The following CD8B2 variants were observed in gnomAD, a reference collection of about 807,000 sequenced individuals.
CD8B2 encodes the protein CD8B family member 2, also known as T-cell surface glycoprotein CD8 beta-2 chain.
Under a neutral mutation model 23.7 loss-of-function variants are expected in CD8B2, and 11 were observed. That is an observed-to-expected ratio of 0.46 (90% confidence interval 0.29 to 0.77). The LOEUF is 0.77. Ranked by LOEUF, CD8B2 falls within the 30% of genes least tolerant of loss-of-function variation. The probability of loss-of-function intolerance (pLI) is 0.09; values close to 1 mark genes in which losing one functional copy is unlikely to be tolerated. For missense variants in CD8B2, 197 were observed against 270.5 expected (o/e 0.73, Z 1.91); for synonymous variants, 90 against 109.3 (o/e 0.82, Z 1.10).
intron 3 of CD8B2, among the ~76,000 whole-genome samples, chr2:106,496,780 G>GA (rs2104553571): frequency 6.6e-6 from 1 of 151,826 alleles, no homozygotes; most frequent in Non-Finnish European, 1.5e-5. Context: ...AATGGGGAGT[G>GA]ATTCCTAATG....
At chr2:106,513,500 C>A (rs1679676517), downstream of CD8B2, among the ~76,000 whole-genome samples, 1 of 150,640 alleles carries the variant, frequency 6.6e-6, no homozygotes, top group Admixed American at 6.6e-5. Context: ...TTGTTCACAG[C>A]CTCTTACAGA....
chr2:106,494,781 G>A (rs1679267120), intron 2 of CD8B2, among the ~76,000 whole-genome samples: 1 of 152,186 alleles, frequency 6.6e-6, no homozygotes, highest in Admixed American at 6.5e-5. Context: ...TCCCAACACA[G>A]CACTCACCAC....
Position 106,504,293 on chromosome 2 carries a change from G to A in CD8B2, c.588G>A (p.Arg196=), listed in dbSNP as rs971751971. 3.2e-6 allele frequency: 5 copies of A among 1,555,634 alleles called. No homozygotes were observed. The African/African-American group carries it at 5.5e-5, about 17-fold the overall frequency. Residue 196 remains arginine (R), a synonymous_variant, in exon 5 of 6, where the codon CGG becomes CGA. Coordinates refer to ENST00000643224, the MANE Select transcript of CD8B2 (RefSeq NM_001349727.2). The part of the protein sequence containing the change: ...SLGVAMHLCC[R]RRRARLRFMK... ...GCCCTTGCTTTCCTCTTCCAGGCCG[G>A]CGGAGGAGAGCCCGGCTTCGTTTCA... is the stretch of plus-strand genomic sequence containing the variant.
At chr2:106,501,007 C>T (rs1679394594) in intron 3 of CD8B2, among the ~76,000 whole-genome samples, 1 of 152,226 alleles carries the variant, frequency 6.6e-6, no homozygotes, top group Non-Finnish European at 1.5e-5. Context: ...TATCAAGGGT[C>T]AGCAAGGTGC....
chr2:106,518,438 A>G (rs1408575051), intron 5 of CD8B2, among the ~76,000 whole-genome samples: 1 of 152,172 alleles, frequency 6.6e-6, no homozygotes, highest in Non-Finnish European at 1.5e-5. Flanking sequence ...TTTTCATTAG[A>G]TGAAAAAGTG....
At chr2:106,539,108 C>T (rs1680134637) in intron 5 of CD8B2, among the ~76,000 whole-genome samples, 1 of 152,190 alleles carries the variant, frequency 6.6e-6, no homozygotes, top group Non-Finnish European at 1.5e-5. Context: ...CATTTCAGGG[C>T]CAGGGCAGTG....
intron 4 of CD8B2, among the ~76,000 whole-genome samples, chr2:106,503,169 G>A (rs2104557810): frequency 6.6e-6 from 1 of 151,712 alleles, no homozygotes; most frequent in East Asian, 1.9e-4. Context: ...CGGAGGGGAG[G>A]CCTGCATGGC....
downstream of CD8B2, among the ~76,000 whole-genome samples, chr2:106,514,394 T>TCC (rs1679693198): frequency 1.3e-5 from 2 of 151,482 alleles, no homozygotes. Context: ...TTCAAGCGAT[T>TCC]CTCCTGCCTC....
intron 4 of CD8B2, among the ~76,000 whole-genome samples, chr2:106,502,786 G>A (rs1378914422): frequency 6.6e-6 from 1 of 151,998 alleles, no homozygotes; most frequent in African/African-American, 2.4e-5. Flanking sequence ...TGAGTGCAAC[G>A]TGGCTGTTTC....
chr2:106,543,610 T>G (rs954435429), intron 5 of CD8B2, among the ~76,000 whole-genome samples: 2 of 152,120 alleles, frequency 1.3e-5, no homozygotes, highest in African/African-American at 4.8e-5. Flanking sequence ...ACTGCACCAC[T>G]GCACTCCAGC....
At chr2:106,532,844 G>A (rs369502477) in intron 5 of CD8B2, among the ~76,000 whole-genome samples, 3 of 152,280 alleles carry the variant, frequency 2.0e-5, no homozygotes, top group East Asian at 3.9e-4. Flanking sequence ...TTTATGACCT[G>A]TGTCTTGTGC....
chr2:106,533,451 G>A (rs1356345508), intron 5 of CD8B2, among the ~76,000 whole-genome samples: 3 of 152,148 alleles, frequency 2.0e-5, no homozygotes, highest in Admixed American at 6.5e-5. Context: ...TGGTGATGAC[G>A]AGGAAAGAGT....
In CD8B2 at chr2:106,520,757, C is replaced by G. The variant is rs564643570; in HGVS notation, c.620+16432C>G. Among the ~76,000 whole-genome samples the G allele has an allele frequency of 9.1e-4, 138 of 152,234 alleles. 1 individual carries two copies. Among genetic ancestry groups the G allele is most frequent in the African/African-American group, 3.2e-3 (131 of 41,538 alleles). Reference sequence around the variant, plus strand: ...TGGTGCCCCACACCTGTAATCCCAGCTACTCGGGAGGCTGAGACAGGAGAA... The same window carrying G: ...TGGTGCCCCACACCTGTAATCCCAGGTACTCGGGAGGCTGAGACAGGAGAA... On this transcript the variant is annotated intron_variant, in intron 5 of 5. Transcript: ENST00000416057.
chr2:106,506,723 G>A (rs1679513285), intron 5 of CD8B2, among the ~76,000 whole-genome samples: 1 of 151,542 alleles, frequency 6.6e-6, no homozygotes, highest in Non-Finnish European at 1.5e-5. Context: ...TCTTTGAGCT[G>A]CAGTTTTGTT....
At chr2:106,505,305 A>G (rs1423186384) in intron 5 of CD8B2, among the ~76,000 whole-genome samples, 1 of 152,204 alleles carries the variant, frequency 6.6e-6, no homozygotes, top group Non-Finnish European at 1.5e-5. Flanking sequence ...TAAATTGACG[A>G]GGGCAACAGG....
At chr2:106,537,875 G>A (rs6729848) in intron 5 of CD8B2, 77,121 of 151,930 alleles carry the variant, frequency 0.51, 20,007 homozygotes, top group Non-Finnish European at 0.55. Flanking sequence ...CAGCCGTCAC[G>A]CCTGCTTGTT....
intron 2 of CD8B2, among the ~76,000 whole-genome samples, chr2:106,491,737 C>G (rs1388874743): frequency 3.9e-5 from 6 of 151,910 alleles, no homozygotes; most frequent in Non-Finnish European, 8.8e-5. Flanking sequence ...TTAGTGGAGA[C>G]GAGATTTCAC....
Position 106,491,642 on chromosome 2 carries a change from G to A in CD8B2, c.403+409G>A, listed in dbSNP as rs551810853. ...GGCTCACTGCAGCCTCTGCTTCCTG[G>A]GTTCAAGTGATTCTCCTGCCTCAGC... On this transcript the variant is annotated intron_variant, in intron 2 of 5. Transcript: ENST00000643224. Among the ~76,000 whole-genome samples, 70 of 152,180 alleles carry A rather than the reference G, an allele frequency of 4.6e-4. 2 individuals carry two copies. The highest frequency in any genetic ancestry group is 1.7e-3 in the African/African-American group (70 of 41,512).
rs116663978 is a variant in CD8B2 at position 106,523,931 on chromosome 2, C to T, written c.620+19606C>T. Among the ~76,000 whole-genome samples the T allele has an allele frequency of 1.1e-3, 171 of 152,210 alleles. 1 individual carries two copies. The highest frequency in any genetic ancestry group is 3.6e-3 in the African/African-American group (149 of 41,534). ...GAGTTTCAGTCCCTTGAGCTCCATC[C>T]GATTAGGTAATGTAACTTTCAAGTG... On this transcript the variant is annotated intron_variant, in intron 5 of 5. Coordinates refer to the CD8B2 transcript ENST00000416057.
Sources: allele counts gnomAD v4.1 joint callset (sites outside exome capture counted in the v4.1 genomes callset), GRCh38; gene constraint gnomAD v4.1.1; transcripts MANE v1.5; gene names NCBI Gene and HGNC (gene_info 2026-07-23, HGNC 2026-07-21).